The following DPH5 variants were observed in gnomAD, a reference collection of about 807,000 sequenced individuals.
DPH5 encodes diphthamide biosynthesis 5, also known as diphthine methyl ester synthase.
In DPH5, 31 loss-of-function variants were observed where a neutral mutation model predicts 31.6. The ratio of observed to expected loss-of-function variants is 0.98; its 90% confidence interval spans 0.74 to 1.32. DPH5 has a LOEUF of 1.32. Among genes scored for constraint, DPH5 ranks in the 40% most tolerant of loss-of-function variants. The pLI is 0.00. For missense variants in DPH5, 309 were observed against 335.7 expected (o/e 0.92, Z 0.62); for synonymous variants, 120 against 115.0 (o/e 1.04, Z -0.28).
chr1:101,019,546 G>T (rs1558051419), intron 3 of DPH5, among the ~76,000 whole-genome samples: 2 of 152,026 alleles, frequency 1.3e-5, no homozygotes. Context: ...ATAAGAAGGG[G>T]TCTTAAAATT....
At chr1:101,010,859 G>C (rs932671189) in intron 4 of DPH5, among the ~76,000 whole-genome samples, 1 of 152,152 alleles carries the variant, frequency 6.6e-6, no homozygotes, top group Non-Finnish European at 1.5e-5. Context: ...CACTTTCTAA[G>C]TTTTTAATTT....
At chr1:100,996,549 C>T (rs940731301) in intron 5 of DPH5, among the ~76,000 whole-genome samples, 22 of 152,130 alleles carry the variant, frequency 1.4e-4, no homozygotes, top group Admixed American at 2.0e-4. Context: ...CATCTTAGTA[C>T]CAGGACCTAG....
rs1361009683 is a variant in DPH5 at position 100,992,679 on chromosome 1, G to C, written c.592C>G (p.Leu198Val). ...ATTCTTTGATTTTGAACAATCTCCA[G>C]AAGCTGCTGGGCTGCTTGGTTTACA... ...MSVNQAAQQL[L>V]EIVQNQRIRG... The change falls in exon 7 of 8, where the codon CTG (leucine) becomes GTG (valine). Residue 198 changes from leucine to valine, a missense_variant. By Grantham distance (32) the Leu-to-Val change is conservative (BLOSUM62 1). Coordinates refer to ENST00000370109, the MANE Select transcript of DPH5 (RefSeq NM_015958.3). 9.9e-6 allele frequency: 16 copies of C among 1,613,836 alleles called. No homozygotes were observed. The highest frequency in any genetic ancestry group is 1.4e-5 in the Non-Finnish European group (16 of 1,179,924).
chr1:101,008,259 T>C (rs1260397349), intron 4 of DPH5, among the ~76,000 whole-genome samples: 1 of 152,234 alleles, frequency 6.6e-6, no homozygotes, highest in Admixed American at 6.5e-5. Flanking sequence ...TTAAAGATAA[T>C]GATTGGGCTC....
intron 4 of DPH5, among the ~76,000 whole-genome samples, chr1:101,007,235 T>A (rs1362718359): frequency 6.6e-6 from 1 of 152,202 alleles, no homozygotes; most frequent in South Asian, 2.1e-4. Flanking sequence ...GTGGTGGTAC[T>A]ATGGATGCTT....
At chr1:100,991,849 C>A (rs1331903325) in intron 7 of DPH5, among the ~76,000 whole-genome samples, 1 of 150,060 alleles carries the variant, frequency 6.7e-6, no homozygotes, top group Non-Finnish European at 1.5e-5. Flanking sequence ...GTAATCCCAA[C>A]ACTTTGGGAG....
chr1:101,002,616 T>C (rs750369156), intron 4 of DPH5, among the ~76,000 whole-genome samples: 5 of 152,196 alleles, frequency 3.3e-5, no homozygotes, highest in Non-Finnish European at 7.3e-5. Context: ...CTTGAAATAA[T>C]TTATAATAGA....
chr1:101,013,967 G>T, intron 3 of DPH5, 149 bp from the exon 4 acceptor site: 1 of 558,706 alleles, frequency 1.8e-6, no homozygotes, highest in Non-Finnish European at 3.1e-6. Flanking sequence ...TTTCATCTGA[G>T]CTTTTTAGCA....
At chr1:100,996,737 G>A (rs768150847) in intron 5 of DPH5, among the ~76,000 whole-genome samples, 124 of 90,854 alleles carry the variant, frequency 1.4e-3, no homozygotes, top group Non-Finnish European at 2.3e-3. Flanking sequence ...TTTGTTCTTG[G>A]AAAGATCTAC....
chr1:101,002,712 T>C (rs1028615165), intron 4 of DPH5, among the ~76,000 whole-genome samples: 4 of 152,128 alleles, frequency 2.6e-5, no homozygotes, highest in Non-Finnish European at 5.9e-5. Context: ...GGAAGTCACT[T>C]TTCTCAGCCT....
intron 5 of DPH5, among the ~76,000 whole-genome samples, chr1:101,000,004 G>A (rs541196991): frequency 2.0e-5 from 3 of 151,686 alleles, no homozygotes; most frequent in Admixed American, 6.6e-5. Flanking sequence ...AAAATTAGCC[G>A]GGCGTGGTGG....
intron 5 of DPH5, among the ~76,000 whole-genome samples, chr1:100,997,090 A>T (rs1215758400): frequency 6.6e-6 from 1 of 152,218 alleles, no homozygotes; most frequent in Non-Finnish European, 1.5e-5. Context: ...AGCTCTTAGA[A>T]GGACAACTCA....
rs1454291772 is a variant in DPH5 at position 100,990,411 on chromosome 1, A to T, written c.855T>A (p.Leu285=). 10 of 1,613,462 alleles carry T rather than the reference A, an allele frequency of 6.2e-6. No individual in the cohort carries two copies. Among genetic ancestry groups the T allele is most frequent in the Non-Finnish European group, 8.5e-6 (10 of 1,179,518 alleles). The change falls in exon 8 of 8, where the codon CTT becomes CTA. Residue 285 remains leucine (L), a synonymous_variant. Transcript: ENST00000370109. ...AGACAATGGTAAATATCTATGTTCA[A>T]AGTCCATTGATGCTTTGAGATTCTG... ...NSSESQSING[L]
chr1:101,014,730 C>T (rs1289488095), intron 3 of DPH5, among the ~76,000 whole-genome samples: 1 of 152,150 alleles, frequency 6.6e-6, no homozygotes, highest in Non-Finnish European at 1.5e-5. Context: ...ACAGTGGAAC[C>T]TCTTTCAAAA....
At chr1:101,020,282 ACAT>A (rs1245605861) in intron 3 of DPH5, among the ~76,000 whole-genome samples, 5 of 152,082 alleles carry the variant, frequency 3.3e-5, no homozygotes, top group Non-Finnish European at 5.9e-5. Context: ...TCAACTCCAA[ACAT>A]CATGTCTTTA....
chr1:101,001,735 C>A (rs1220129919), intron 4 of DPH5, 148 bp from the exon 5 acceptor site: 25 of 637,414 alleles, frequency 3.9e-5, no homozygotes, highest in Non-Finnish European at 2.6e-5. Context: ...AAAAAGGTAA[C>A]AGGAACTTCT....
At chr1:101,025,584 T>G (rs1660768996) in intron 1 of DPH5, 99 bp downstream of exon 1, 2 of 996,692 alleles carry the variant, frequency 2.0e-6, no homozygotes, top group Admixed American at 2.6e-5. Flanking sequence ...AAGGAGGGGT[T>G]TGGGAACCTT....
At chr1:100,991,788 C>CAAA (rs71084857) in intron 7 of DPH5, among the ~76,000 whole-genome samples, 1 of 101,042 alleles carries the variant, frequency 9.9e-6, no homozygotes, top group African/African-American at 4.0e-5. Context: ...GACCCCATCT[C>CAAA]AAAAAAAAAA....
chr1:100,997,224 C>T (rs1035504997), intron 5 of DPH5, among the ~76,000 whole-genome samples: 2 of 152,180 alleles, frequency 1.3e-5, no homozygotes, highest in Admixed American at 6.5e-5. Flanking sequence ...GCAGGACCCA[C>T]GTCTACACTT....
Sources: gnomAD v4.1 joint callset for allele counts (sites outside exome capture counted in the v4.1 genomes callset) on GRCh38, gnomAD v4.1.1 for gene constraint, MANE v1.5 for transcripts, NCBI Gene and HGNC (gene_info 2026-07-23, HGNC 2026-07-21) for gene names.